Variants in CFAP44 observed in about 807,000 individuals in gnomAD.
The protein encoded by CFAP44 is cilia and flagella associated protein 44, also known as cilia- and flagella-associated protein 44.
Under a neutral mutation model 216.2 loss-of-function variants are expected in CFAP44, and 134 were observed. That is an observed-to-expected ratio of 0.62 (90% CI 0.54 to 0.72). The LOEUF is 0.72. Ranked by LOEUF, CFAP44 falls within the 30% of genes least tolerant of loss-of-function variation. The pLI is 0.00. For synonymous variants in CFAP44, 700 were observed against 727.6 expected (o/e 0.96, Z 0.61); for missense variants, 2,035 against 2,182.1 (o/e 0.93, Z 1.34).
intron 28 of CFAP44, among the ~76,000 whole-genome samples, chr3:113,313,225 T>C (rs1472710449): frequency 6.6e-6 from 1 of 152,090 alleles, no homozygotes; most frequent in African/African-American, 2.4e-5. Flanking sequence ...TCAAAGGAGA[T>C]CATTTTGGAG....
At chr3:113,425,376 G>A (rs1459124316) in intron 4 of CFAP44, among the ~76,000 whole-genome samples, 1 of 152,200 alleles carries the variant, frequency 6.6e-6, no homozygotes, top group Non-Finnish European at 1.5e-5. Context: ...AATGAAAACT[G>A]TTTTCTAACT....
At chr3:113,367,169 G>A (rs921969107) in intron 18 of CFAP44, among the ~76,000 whole-genome samples, 1 of 152,252 alleles carries the variant, frequency 6.6e-6, no homozygotes, top group Non-Finnish European at 1.5e-5. Context: ...AACTTCTGCA[G>A]ACTTAAACGT....
chr3:113,400,904 G>T (rs1934122812), intron 11 of CFAP44, among the ~76,000 whole-genome samples: 1 of 152,028 alleles, frequency 6.6e-6, no homozygotes, highest in Non-Finnish European at 1.5e-5. Context: ...TCTGTAAAAT[G>T]AGATGGTAAC....
At chr3:113,355,037 A>G (rs996685564) in intron 22 of CFAP44, among the ~76,000 whole-genome samples, 3 of 152,056 alleles carry the variant, frequency 2.0e-5, no homozygotes, top group Non-Finnish European at 4.4e-5. Context: ...CCCAGTACCA[A>G]CCTGGAGCCC....
intron 13 of CFAP44, among the ~76,000 whole-genome samples, chr3:113,396,979 C>T (rs879175100): frequency 6.6e-6 from 1 of 152,224 alleles, no homozygotes; most frequent in Admixed American, 6.5e-5. Flanking sequence ...ACATGCTAAG[C>T]ACCTATCATC....
chr3:113,314,477 TA>T, intron 28 of CFAP44, among the ~76,000 whole-genome samples: 1 of 152,182 alleles, frequency 6.6e-6, no homozygotes. Flanking sequence ...TCTGATTTTT[TA>T]AAAAAATAAG....
rs745916520 is a variant in CFAP44, at chr3:113,287,800, T to C, written c.*3757A>G. The C allele has an allele frequency of 6.6e-6, 1 of 152,230 alleles. No homozygotes were observed. Among genetic ancestry groups the C allele is most frequent in the African/African-American group, 2.4e-5 (1 of 41,448 alleles). 9.4% of individuals were successfully genotyped at this position (152,230 alleles called of 1,614,324 possible). A position where few individuals can be genotyped will look rare whatever the true frequency, so the allele number is the denominator to read the frequency against. Reference sequence around the variant, plus strand: ...ATAGGTGTGTGTTGAAGACCAAATATTTTCTCCAAAATACTGTTTAGCTAA... The same window carrying C: ...ATAGGTGTGTGTTGAAGACCAAATACTTTCTCCAAAATACTGTTTAGCTAA... On this transcript the variant is annotated 3_prime_UTR_variant, in exon 35 of 35. Coordinates refer to ENST00000393845, the MANE Select transcript of CFAP44 (RefSeq NM_001164496.2).
At chr3:113,395,967 C>T (rs1933979968) in intron 14 of CFAP44, 107 bp from the exon 15 acceptor site, 2 of 696,950 alleles carry the variant, frequency 2.9e-6, no homozygotes, top group African/African-American at 3.7e-5. Flanking sequence ...CTACAATGGT[C>T]ATATATCCCA....
chr3:113,411,967 G>C lies in CFAP44; in HGVS notation c.674-2645C>G, dbSNP rs532406411. 1.5e-3 allele frequency among the ~76,000 whole-genome samples: 232 copies of C among 151,944 alleles called. 1 individual carries two copies. The highest frequency in any genetic ancestry group is 5.3e-3 in the African/African-American group (221 of 41,502). On this transcript the variant is annotated intron_variant, in intron 6 of 34. Transcript: ENST00000393845. ...CTGTTATTGGTGTATAAGAATGCTT[G>C]TGATTTTTGCACACTGATTTTGTAT...
chr3:113,434,814 T>C (rs2107418339), intron 1 of CFAP44: 1 of 152,322 alleles, frequency 6.6e-6, no homozygotes, highest in South Asian at 2.1e-4. Flanking sequence ...ACAAGCCTGC[T>C]ATGAGGGTTA....
intron 15 of CFAP44, among the ~76,000 whole-genome samples, chr3:113,389,885 A>T (rs1177866110): frequency 6.6e-6 from 1 of 152,134 alleles, no homozygotes; most frequent in Non-Finnish European, 1.5e-5. Flanking sequence ...AGCAAAGAAA[A>T]GCCTGGGACC....
intron 15 of CFAP44, among the ~76,000 whole-genome samples, chr3:113,391,330 A>C (rs895647272): frequency 2.0e-5 from 3 of 152,194 alleles, no homozygotes; most frequent in Non-Finnish European, 4.4e-5. Context: ...TGCTATATAC[A>C]AAAATCAAAT....
chr3:113,352,474 T>G (rs1030770036), intron 22 of CFAP44, among the ~76,000 whole-genome samples: 8 of 152,136 alleles, frequency 5.3e-5, no homozygotes, highest in Non-Finnish European at 1.5e-5. Context: ...AAGAACCCAC[T>G]GGAAGGAACC....
intron 2 of CFAP44, among the ~76,000 whole-genome samples, chr3:113,428,030 T>C (rs964350969): frequency 3.3e-5 from 5 of 152,178 alleles, no homozygotes; most frequent in South Asian, 2.1e-4. Context: ...ATGAGTAAGA[T>C]AGAAAAGCTG....
chr3:113,293,123 G>T (rs1949846618), intron 34 of CFAP44, among the ~76,000 whole-genome samples: 2 of 152,174 alleles, frequency 1.3e-5, no homozygotes, highest in Admixed American at 1.3e-4. Flanking sequence ...GTTGCTTGTA[G>T]CTAAAAGCAT....
chr3:113,288,214 G>A lies in CFAP44; in HGVS notation c.*3343C>T, dbSNP rs114162388. 927 of 152,190 alleles carry A rather than the reference G, an allele frequency of 6.1e-3. 8 individuals are homozygous for A. Among genetic ancestry groups the A allele is most frequent in the Non-Finnish European group, 9.9e-3 (672 of 68,002 alleles). 9.4% of individuals were successfully genotyped at this position (152,190 alleles called of 1,614,324 possible). ...AAGAATTTGATAAACAGGGTCCTAG[G>A]GAAGAGTCACTCTGACTGTTTAGGG... On this transcript the variant is annotated 3_prime_UTR_variant, in exon 35 of 35. Coordinates refer to ENST00000393845, the MANE Select transcript of CFAP44 (RefSeq NM_001164496.2).
chr3:113,323,438 G>A (rs577707373), intron 28 of CFAP44, among the ~76,000 whole-genome samples: 6 of 152,228 alleles, frequency 3.9e-5, no homozygotes, highest in East Asian at 3.9e-4. Context: ...ACATAAGCAC[G>A]GGAACAACAG....
At chr3:113,344,358 C>T (rs908821917) in intron 23 of CFAP44, among the ~76,000 whole-genome samples, 158 bp downstream of exon 23, 1 of 151,952 alleles carries the variant, frequency 6.6e-6, no homozygotes, top group Non-Finnish European at 1.5e-5. Context: ...ACTTTTGTCT[C>T]TCTTGATTAT....
chr3:113,413,129 G>A (rs1205056616), intron 6 of CFAP44, among the ~76,000 whole-genome samples: 2 of 152,144 alleles, frequency 1.3e-5, no homozygotes, highest in Non-Finnish European at 2.9e-5. Context: ...GATCAGTGAT[G>A]TTGAGCTTTT....
Sources: allele counts gnomAD v4.1 joint callset (sites outside exome capture counted in the v4.1 genomes callset), GRCh38; gene constraint gnomAD v4.1.1; transcripts MANE v1.5; gene names NCBI Gene and HGNC (gene_info 2026-07-23, HGNC 2026-07-21).